Variants in P3H3 observed in about 807,000 individuals in gnomAD.
P3H3 encodes the protein prolyl 3-hydroxylase 3.
P3H3 carries 64 observed loss-of-function variants against 78.1 expected under a neutral mutation model. That is an observed-to-expected ratio of 0.82 (90% confidence interval 0.67 to 1.01). The LOEUF is 1.01. Among genes scored for constraint, P3H3 ranks in the 50% least tolerant of loss-of-function variants. P3H3 has a pLI of 0.00. For missense variants in P3H3, 975 were observed against 982.2 expected, an observed-to-expected ratio of 0.99 and a Z score of 0.10; for synonymous variants, 425 against 416.7, an observed-to-expected ratio of 1.02 and a Z score of -0.24.
rs1565511598 is a variant in P3H3, at chr12:6,830,760, C to G, written c.975C>G (p.Ala325=). The change falls in exon 4 of 15, where the codon GCC becomes GCG. Residue 325 remains alanine, a synonymous_variant. Coordinates refer to ENST00000290510, the MANE Select transcript of P3H3 (RefSeq NM_014262.5). ...ACCAGCTGAGGCGGCTACATGAGGC[C>G]CATGCTCAGGGTCAGTTGGGGAAGG... ...LPNQLRRLHE[A]HAQVGNLSQA... 6.2e-7 allele frequency: 1 copy of G among 1,613,944 alleles called. No homozygotes were observed. The highest frequency in any genetic ancestry group is 8.5e-7 in the Non-Finnish European group (1 of 1,179,868).
At position 6,831,038 on chromosome 12, in the gene P3H3, G is replaced by A; in HGVS notation, c.986-178G>A. ...TCTTTGAACTCTCCAGCTAAGGTAT[G>A]TTTGCACCAGTGTTTGAAAGAACCG... On this transcript the variant is annotated intron_variant, in intron 4 of 14. Transcript: ENST00000290510. This position sits in a 1 kb window ranked among gnomAD's most constrained non-coding sequence, Gnocchi z 4.6. 3.3e-6 allele frequency: 3 copies of A among 896,752 alleles called. No individual in the cohort carries two copies. Among genetic ancestry groups the A allele is most frequent in the Non-Finnish European group, 5.5e-6 (3 of 542,828 alleles). The allele number at this position is 896,752 out of a possible 1,614,324, so 55.5% of individuals were successfully genotyped here. A position where few individuals can be genotyped will look rare whatever the true frequency, so the allele number is the denominator to read the frequency against.
intron 10 of P3H3, 115 bp from the exon 11 acceptor site, chr12:6,837,308 T>C: frequency 1.4e-6 from 2 of 1,405,706 alleles, no homozygotes; most frequent in Non-Finnish European, 1.9e-6. Flanking sequence ...CAGAGCTGGA[T>C]GCTGACAGAC....
chr12:6,832,273 TTA>T (rs1337893562), intron 6 of P3H3, among the ~76,000 whole-genome samples: 1 of 152,210 alleles, frequency 6.6e-6, no homozygotes, highest in African/African-American at 2.4e-5. Context: ...CTTCTTGTAG[TTA>T]TGAGAGGAAA....
At position 6,833,602 on chromosome 12, in the gene P3H3, C is replaced by G; in HGVS notation, c.1223C>G (p.Thr408Ser). 1 of 1,613,868 alleles carries G rather than the reference C, an allele frequency of 6.2e-7. No individual in the cohort carries two copies. The highest frequency in any genetic ancestry group is 8.5e-7 in the Non-Finnish European group (1 of 1,179,824). Residue 408 changes from threonine (T) to serine (S), a missense_variant, in exon 7 of 15, where the codon ACC becomes AGC. Coordinates refer to ENST00000290510, the MANE Select transcript of P3H3 (RefSeq NM_014262.5). The stretch of plus-strand genomic sequence containing the variant: ...TCTGGACTGTCGCAGGACCCCTGGA[C>G]CCCTGCAGCTCTCATCCCTGAGGCA... ...GTSFKDPDPW[T>S]PAALIPEALR...
Position 6,837,488 on chromosome 12 carries a change from G to A in P3H3, c.1626G>A (p.Val542=), listed in dbSNP as rs1555122343. The A allele has an allele frequency of 6.2e-7, 1 of 1,611,656 alleles. No homozygotes were observed. The highest frequency in any genetic ancestry group is 1.3e-5 in the African/African-American group (1 of 75,004). ...AKLLLEVSER[V]RTLTQAYFSP... ...TGCTTCTGGAGGTGAGCGAGCGGGT[G>A]CGGACCTTGACCCAGGCCTACTTCT... Residue 542 remains valine, a synonymous_variant, in exon 11 of 15, where the codon GTG becomes GTA. Transcript: ENST00000290510.
At chr12:6,832,073 G>A (rs1192018032) in intron 6 of P3H3, among the ~76,000 whole-genome samples, 159 bp downstream of exon 6, 1 of 152,192 alleles carries the variant, frequency 6.6e-6, no homozygotes, top group Non-Finnish European at 1.5e-5. Context: ...TGTAGTTAGG[G>A]CGGCTTTGGG....
chr12:6,832,063 T>C, intron 6 of P3H3, 149 bp downstream of exon 6: 1 of 612,342 alleles, frequency 1.6e-6, no homozygotes, highest in Non-Finnish European at 2.9e-6. Flanking sequence ...ACAGTGTGCC[T>C]GTAGTTAGGG....
chr12:6,836,549 T>G (rs367627053), intron 9 of P3H3, among the ~76,000 whole-genome samples: 2 of 152,272 alleles, frequency 1.3e-5, no homozygotes, highest in Admixed American at 6.5e-5. Context: ...CCGCTGATGC[T>G]GTCTCCCTAC....
chr12:6,833,679 C>T (rs372749192), intron 7 of P3H3, 35 bp downstream of exon 7: 39 of 1,609,208 alleles, frequency 2.4e-5, no homozygotes, highest in African/African-American at 5.3e-5. Context: ...GGGCTTGGCC[C>T]GAGCTGGGAG....
intron 13 of P3H3, among the ~76,000 whole-genome samples, chr12:6,838,622 G>C (rs1943525556): frequency 1.3e-5 from 2 of 152,098 alleles, no homozygotes; most frequent in South Asian, 4.1e-4. Flanking sequence ...TCTGGGTGTG[G>C]GGTGTGAAAA....
chr12:6,831,387 C>G lies in P3H3; in HGVS notation c.1122+35C>G. The G allele has an allele frequency of 6.2e-7, 1 of 1,611,756 alleles. No individual in the cohort carries two copies. The highest frequency in any genetic ancestry group is 8.5e-7 in the Non-Finnish European group (1 of 1,179,564). Reference sequence around the variant, plus strand: ...TCTCCACGCTCACCTGGGAGGTAGCCCCAAATCAAACAAATAGACCTGAGA... The same window carrying G: ...TCTCCACGCTCACCTGGGAGGTAGCGCCAAATCAAACAAATAGACCTGAGA... On this transcript the variant is annotated intron_variant, in intron 5 of 14. Transcript: ENST00000290510. This position sits in a 1 kb window ranked among gnomAD's most constrained non-coding sequence, Gnocchi z 4.6.
In P3H3 at chr12:6,833,761, C is replaced by G. The variant is rs781787434; in HGVS notation, c.1285C>G (p.Pro429Ala). Residue 429 changes from proline (P) to alanine (A), a missense_variant, in exon 8 of 15, where the codon CCT (proline) becomes GCT (alanine). By Grantham distance (27) the Pro-to-Ala change is conservative (BLOSUM62 -1). Transcript: ENST00000290510. Reference sequence around the variant, plus strand: ...CCTGAGAGAGGATCAAGAGAAGAGGCCTTGGGACCATGAGCCCGTGAAGCC... The same window carrying G: ...CCTGAGAGAGGATCAAGAGAAGAGGGCTTGGGACCATGAGCCCGTGAAGCC... ...EKLREDQEKR[P>A]WDHEPVKPKP... is the part of the protein sequence containing the mutation. 6.2e-7 allele frequency: 1 copy of G among 1,610,314 alleles called. No homozygotes were observed. Among genetic ancestry groups the G allele is most frequent in the Non-Finnish European group, 8.5e-7 (1 of 1,176,632 alleles).
Position 6,837,410 on chromosome 12 carries a change from T to C in P3H3, c.1561-13T>C. ...CCTTCCTCCTTTTCTGCCCTGCCTT[T>C]CACTGCCTGCAGCTGGCCCGGGCTG... On this transcript the variant is annotated splice_polypyrimidine_tract_variant and intron_variant, in intron 10 of 14. Coordinates refer to ENST00000290510, the MANE Select transcript of P3H3 (RefSeq NM_014262.5). 2 of 1,605,894 alleles carry C rather than the reference T, an allele frequency of 1.2e-6. No homozygotes were observed. Among genetic ancestry groups the C allele is most frequent in the Non-Finnish European group, 1.7e-6 (2 of 1,176,468 alleles).
chr12:6,830,544 G>T lies in P3H3; in HGVS notation c.843G>T (p.Glu281Asp). ...DGAASQGGLY[E>D]AIAGHWIQVL... is the part of the protein sequence containing the mutation. ...CTGCGAGCCAGGGGGGCCTCTATGAGGCCATTGCAGGTAAGGGTCCCGTGT... is the reference window on the plus strand; with the variant it reads ...CTGCGAGCCAGGGGGGCCTCTATGATGCCATTGCAGGTAAGGGTCCCGTGT... Residue 281 changes from glutamate (E) to aspartate (D), a missense_variant, in exon 3 of 15, where the codon GAG becomes GAT. By Grantham distance (45) the Glu-to-Asp change is conservative. Coordinates refer to ENST00000290510, the MANE Select transcript of P3H3 (RefSeq NM_014262.5). 6.4e-7 allele frequency: 1 copy of T among 1,572,956 alleles called. No individual in the cohort carries two copies. The highest frequency in any genetic ancestry group is 8.6e-7 in the Non-Finnish European group (1 of 1,159,920).
At chr12:6,835,909 C>A (rs993931706) in intron 9 of P3H3, among the ~76,000 whole-genome samples, 30 of 151,950 alleles carry the variant, frequency 2.0e-4, no homozygotes, top group African/African-American at 6.5e-4. Context: ...GGGAGAAAGA[C>A]CCGGAAAAGG....
chr12:6,837,480 G>A lies in P3H3; in HGVS notation c.1618G>A (p.Glu540Lys), dbSNP rs782559522. ...QGAKLLLEVS[E>K]RVRTLTQAYF... is the part of the protein sequence containing the mutation. Reference sequence around the variant, plus strand: ...TGCTAAGCTGCTTCTGGAGGTGAGCGAGCGGGTGCGGACCTTGACCCAGGC... The same window carrying A: ...TGCTAAGCTGCTTCTGGAGGTGAGCAAGCGGGTGCGGACCTTGACCCAGGC... The change falls in exon 11 of 15, where the codon GAG becomes AAG. Residue 540 changes from glutamate (E) to lysine (K), a missense_variant. Glu to Lys is a moderately conservative substitution (Grantham distance 56, BLOSUM62 1). Transcript: ENST00000290510. 1.5e-5 allele frequency: 24 copies of A among 1,611,232 alleles called. No individual in the cohort carries two copies. Among genetic ancestry groups the A allele is most frequent in the East Asian group, 2.2e-5 (1 of 44,786 alleles).
rs1555121354 is a variant in P3H3 at position 6,831,120 on chromosome 12, C to T, written c.986-96C>T. 1.3e-6 allele frequency: 2 copies of T among 1,528,576 alleles called. No homozygotes were observed. Among genetic ancestry groups the T allele is most frequent in the African/African-American group, 2.7e-5 (2 of 73,118 alleles). The allele number at this position is 1,528,576 out of a possible 1,614,324, so 94.7% of individuals were successfully genotyped here. A position where few individuals can be genotyped will look rare whatever the true frequency, so the allele number is the denominator to read the frequency against. ...GCTCTTGGAGTTAGCTGTCTGGCCT[C>T]TGGAGACCACCTTCTCCAGCACTGC... On this transcript the variant is annotated intron_variant, in intron 4 of 14. Transcript: ENST00000290510. This position sits in a 1 kb window ranked among gnomAD's most constrained non-coding sequence, Gnocchi z 4.6.
chr12:6,832,955 C>A (rs868956807), intron 6 of P3H3, among the ~76,000 whole-genome samples: 1 of 148,892 alleles, frequency 6.7e-6, no homozygotes, highest in Non-Finnish European at 1.5e-5. Flanking sequence ...GCAGGTGGAT[C>A]ACCAGATCAG....
chr12:6,836,853 A>G (rs1555122184), intron 9 of P3H3, 132 bp from the exon 10 acceptor site: 1 of 643,536 alleles, frequency 1.6e-6, no homozygotes, highest in Non-Finnish European at 2.7e-6. Context: ...GCTCAGGAAG[A>G]CGAGCCACAA....
Sources: gnomAD v4.1 joint callset for allele counts (sites outside exome capture counted in the v4.1 genomes callset) on GRCh38, gnomAD v4.1.1 for gene constraint, Gnocchi (gnomAD v3.1) non-coding constraint, MANE v1.5 for transcripts, NCBI Gene and HGNC (gene_info 2026-07-23, HGNC 2026-07-21) for gene names.